Variants in TMEM143 observed in about 807,000 individuals in gnomAD.
TMEM143 encodes transmembrane protein 143.
Under a neutral mutation model 40.3 loss-of-function variants are expected in TMEM143, and 45 were observed. That is an observed-to-expected ratio of 1.12 (90% CI 0.88 to 1.43). The LOEUF (loss-of-function observed/expected upper bound fraction) is 1.43, where lower values mean the gene tolerates loss of function less well. TMEM143 is among the 40% of genes most tolerant of loss of function. The pLI, the probability that TMEM143 is intolerant of heterozygous loss-of-function variation, is 0.00. For synonymous variants in TMEM143, 299 were observed against 282.7 expected (o/e 1.06, Z -0.58); for missense variants, 620 against 613.4 (o/e 1.01, Z -0.11).
At chr19:48,334,524 TTTCTTTC>T (rs1969322042) in intron 6 of TMEM143, among the ~76,000 whole-genome samples, 2 of 149,106 alleles carry the variant, frequency 1.3e-5, no homozygotes, top group South Asian at 4.2e-4. Flanking sequence ...TTTCTTTCTC[TTTCTTTC>T]TTTTCTTTTC....
At chr19:48,342,974 G>C in intron 5 of TMEM143, 165 bp from the exon 6 acceptor site, 1 of 880,998 alleles carries the variant, frequency 1.1e-6, no homozygotes. Context: ...CCAACCACAG[G>C]GGATCGGTTC....
intron 3 of TMEM143, among the ~76,000 whole-genome samples, chr19:48,359,277 C>G (rs1241544458): frequency 6.6e-6 from 1 of 152,098 alleles, no homozygotes; most frequent in Non-Finnish European, 1.5e-5. Flanking sequence ...CCCACCCTCC[C>G]CGCACATTCA....
chr19:48,343,560 T>C, intron 4 of TMEM143, 109 bp from the exon 5 acceptor site: 1 of 1,399,570 alleles, frequency 7.1e-7, no homozygotes, highest in East Asian at 2.5e-5. Flanking sequence ...CGTTTCCCAC[T>C]TATCCCCATT....
At chr19:48,345,073 A>G (rs1477852963) in intron 4 of TMEM143, 87 bp downstream of exon 4, 3 of 1,431,290 alleles carry the variant, frequency 2.1e-6, no homozygotes, top group Non-Finnish European at 2.9e-6. Flanking sequence ...GCTCAGGACT[A>G]CAACTCCCAG....
chr19:48,334,424 TTCTTTCTTTCTTTCTTTCTTTC>T, intron 6 of TMEM143, among the ~76,000 whole-genome samples: 1 of 30,970 alleles, frequency 3.2e-5, no homozygotes, highest in East Asian at 1.0e-3. Context: ...CTCTCTTTCT[TTCTTTCTTTCTTTCTTTCTTTC>T]TTTCTTTCTT....
At chr19:48,349,226 G>C (rs996746316) in intron 3 of TMEM143, among the ~76,000 whole-genome samples, 1 of 151,960 alleles carries the variant, frequency 6.6e-6, no homozygotes, top group African/African-American at 2.4e-5. Flanking sequence ...ATTGGTTTTA[G>C]TTCCTCCAGC....
rs1969267910 is a variant in TMEM143 at position 48,333,533 on chromosome 19, G to C, written c.1166-100C>G. On this transcript the variant is annotated intron_variant, in intron 7 of 7. Transcript: ENST00000293261. The surrounding 1 kb of genome is among the most constrained non-coding windows in gnomAD (Gnocchi z 4.1). ...GTAGGGCAAAGAACAGGAAGGGCCT[G>C]GGTTTGGGAGAAGCCTAGGAGTGAT... 1.3e-6 allele frequency: 1 copy of C among 784,654 alleles called. No homozygotes were observed. The highest frequency in any genetic ancestry group is 2.7e-5 in the Admixed American group (1 of 37,524). The allele number at this position is 784,654 out of a possible 1,614,324, so 48.6% of individuals were successfully genotyped here.
chr19:48,351,264 G>A (rs1444413290), intron 3 of TMEM143, among the ~76,000 whole-genome samples: 1 of 152,134 alleles, frequency 6.6e-6, no homozygotes, highest in Non-Finnish European at 1.5e-5. Flanking sequence ...CAAAGCCTGG[G>A]GGTCATCCTG....
In TMEM143 at chr19:48,349,997, A is replaced by ATTT. The variant is rs71181679; in HGVS notation, c.370-4646_370-4644dup. On this transcript the variant is annotated intron_variant, in intron 3 of 7. Transcript: ENST00000293261. ...TTTTAACAGCTAGTGTCTACATTTA[A>ATTT]TTTTTTTTTTTTTTTTTTTTTGAGA... Among the ~76,000 whole-genome samples the ATTT allele has an allele frequency of 1.7e-3, 181 of 108,986 alleles. 6 individuals carry two copies. The highest frequency in any genetic ancestry group is 2.6e-3 in the African/African-American group (72 of 27,806). The allele number at this position is 108,986 out of a possible 152,430, so 71.5% of individuals were successfully genotyped here.
At chr19:48,352,485 AT>A (rs1569034014) in intron 3 of TMEM143, among the ~76,000 whole-genome samples, 1 of 138,908 alleles carries the variant, frequency 7.2e-6, no homozygotes, top group African/African-American at 2.6e-5. Context: ...AAAAAAAAAA[AT>A]TATGGAGGCC....
At chr19:48,359,142 C>A (rs1969975570) in intron 3 of TMEM143, among the ~76,000 whole-genome samples, 1 of 152,098 alleles carries the variant, frequency 6.6e-6, no homozygotes, top group East Asian at 1.9e-4. Flanking sequence ...TGCACTCCAG[C>A]CTGGGCAACA....
chr19:48,336,491 C>CCGCAG (rs1295374997), intron 6 of TMEM143, among the ~76,000 whole-genome samples: 1 of 151,854 alleles, frequency 6.6e-6, no homozygotes, highest in African/African-American at 2.4e-5. Context: ...CGCCACTGCA[C>CCGCAG]TCCAGCCTGG....
rs778555617 is a variant in TMEM143 at position 48,334,104 on chromosome 19, G to A, written c.1069C>T (p.Leu357=). 62 of 1,599,182 alleles carry A rather than the reference G, an allele frequency of 3.9e-5. No homozygotes were observed. The East Asian group carries it at 1.4e-3, about 35-fold the overall frequency. Residue 357 remains leucine, a synonymous_variant, in exon 7 of 8, where the codon CTG becomes TTG. Coordinates refer to ENST00000293261, the MANE Select transcript of TMEM143 (RefSeq NM_018273.4). ...TGCTCGTCCTGCGCGCGCAGGGCCA[G>A]GGCGCTGAGCAGCTCCGAGTTGTTG... ...TSNNSELLSA[L]ALRAQDEHTK... is the part of the protein sequence containing the mutation.
At chr19:48,354,087 T>G (rs1969832173) in intron 3 of TMEM143, among the ~76,000 whole-genome samples, 1 of 150,042 alleles carries the variant, frequency 6.7e-6, no homozygotes, top group Middle Eastern at 3.4e-3. Context: ...GCCTCCGGAG[T>G]AGCTGGGATC....
intron 5 of TMEM143, chr19:48,343,025 T>C: frequency 2.9e-6 from 2 of 695,528 alleles, no homozygotes; most frequent in South Asian, 2.0e-5. Context: ...TGCAGATTGT[T>C]TGTTGGAATC....
At chr19:48,356,753 A>G (rs12973175) in intron 3 of TMEM143, among the ~76,000 whole-genome samples, 2,179 of 151,518 alleles carry the variant, frequency 0.014, 28 homozygotes, top group Middle Eastern at 0.13. Flanking sequence ...ATGCACCATC[A>G]CACCCAGCTA....
At chr19:48,349,440 T>A (rs1569032047) in intron 3 of TMEM143, among the ~76,000 whole-genome samples, 2 of 152,050 alleles carry the variant, frequency 1.3e-5, no homozygotes, top group Non-Finnish European at 2.9e-5. Context: ...GGCCAGGAGT[T>A]CAAGACCAGC....
intron 3 of TMEM143, among the ~76,000 whole-genome samples, chr19:48,352,922 T>A (rs1192603906): frequency 3.9e-5 from 6 of 152,084 alleles, no homozygotes; most frequent in Non-Finnish European, 8.8e-5. Flanking sequence ...TGGCCACGTA[T>A]ACTTTAAATA....
rs1162387701 is a variant in TMEM143, at chr19:48,343,434, A to G, written c.582T>C (p.Asp194=). Reference sequence around the variant, plus strand: ...CCCAGAAGTGAATGTAGACATACTGATCCAAATTTACTGTCACCTGCCGGG... The same window carrying G: ...CCCAGAAGTGAATGTAGACATACTGGTCCAAATTTACTGTCACCTGCCGGG... ...QDEVQVTVNL[D]QYVYIHFWAL... is the part of the protein sequence containing the mutation. Residue 194 remains aspartate (D), a synonymous_variant, in exon 5 of 8, where the codon GAT becomes GAC. Coordinates refer to ENST00000293261, the MANE Select transcript of TMEM143 (RefSeq NM_018273.4). 4 of 1,581,402 alleles carry G rather than the reference A, an allele frequency of 2.5e-6. No homozygotes were observed. The highest frequency in any genetic ancestry group is 3.4e-6 in the Non-Finnish European group (4 of 1,163,156).
Sources: gnomAD v4.1 joint callset for allele counts (sites outside exome capture counted in the v4.1 genomes callset) on GRCh38, gnomAD v4.1.1 for gene constraint, Gnocchi (gnomAD v3.1) non-coding constraint, MANE v1.5 for transcripts, NCBI Gene and HGNC (gene_info 2026-07-23, HGNC 2026-07-21) for gene names.